SLC41A1: variants seen among roughly 807,000 people sequenced by gnomAD.
The protein encoded by SLC41A1 is solute carrier family 41 (magnesium transporter), member 1.
SLC41A1 carries 20 observed loss-of-function variants against 47.3 expected under a neutral mutation model. The observed-to-expected ratio is 0.42, with a 90% confidence interval of 0.30 to 0.61. The LOEUF is 0.61. SLC41A1 is among the 20% of genes least tolerant of loss of function. The pLI is 0.17. For synonymous variants in SLC41A1, 282 were observed against 272.7 expected, an observed-to-expected ratio of 1.03 and a Z score of -0.34; for missense variants, 504 against 674.1, an observed-to-expected ratio of 0.75 and a Z score of 2.79.
chr1:205,798,132 C>T (rs1655791163), intron 6 of SLC41A1, 81 bp from the exon 7 acceptor site: 18 of 1,587,386 alleles, frequency 1.1e-5, no homozygotes, highest in East Asian at 2.3e-5. Flanking sequence ...TGAAAATGTC[C>T]CAACAGATCA....
Position 205,791,418 on chromosome 1 carries a change from T to A in SLC41A1, c.*115A>T. The A allele has an allele frequency of 1.6e-6, 2 of 1,257,164 alleles. No individual in the cohort carries two copies. The highest frequency in any genetic ancestry group is 2.3e-6 in the Non-Finnish European group (2 of 875,642). 77.9% of individuals were successfully genotyped at this position (1,257,164 alleles called of 1,614,324 possible). A position where few individuals can be genotyped will look rare whatever the true frequency, so the allele number is the denominator to read the frequency against. The stretch of plus-strand genomic sequence containing the variant: ...CATTGAAAATAATGAGAATTTGGTA[T>A]CAAAGTGAAGTCCTAGAAAGAGGTG... On this transcript the variant is annotated 3_prime_UTR_variant, in exon 11 of 11. Transcript: ENST00000367137. This position sits in a 1 kb window ranked among gnomAD's most constrained non-coding sequence, Gnocchi z 4.0.
chr1:205,801,375 G>C lies in SLC41A1; in HGVS notation c.373-315C>G, dbSNP rs1655874671. ...AAGGGTAATGGGGACCCACACAGCT[G>C]AGCTGCCCTGGGCTGCCTGACACCC... is the stretch of plus-strand genomic sequence containing the variant. On this transcript the variant is annotated intron_variant, in intron 2 of 10. Transcript: ENST00000367137. 7 of 375,554 alleles carry C rather than the reference G, an allele frequency of 1.9e-5. No individual in the cohort carries two copies. The Admixed American group carries it at 2.6e-4, about 14-fold the overall frequency. The allele number at this position is 375,554 out of a possible 1,614,324, so 23.3% of individuals were successfully genotyped here.
rs1219676996 is a variant in SLC41A1, at chr1:205,810,099, C to A, written c.343G>T (p.Ala115Ser). The A allele has an allele frequency of 6.2e-7, 1 of 1,614,184 alleles. No homozygotes were observed. The highest frequency in any genetic ancestry group is 1.7e-5 in the Admixed American group (1 of 60,030). ...PFLLAGFGTV[A>S]AGMVLDIVQH... is the part of the protein sequence containing the mutation. ...ACGATGTCCAACACCATGCCAGCAG[C>A]CACGGTCCCAAAGCCTGCCAGGAGG... The change falls in exon 2 of 11, where the codon GCT (alanine) becomes TCT (serine). Residue 115 changes from alanine (A) to serine (S), a missense_variant. By Grantham distance (99) the Ala-to-Ser change is moderately conservative. Around this residue, in one of 2 missense-constraint regions of SLC41A1, gnomAD observed 421 missense variants for 601.6 expected, o/e 0.70. Coordinates refer to ENST00000367137, the MANE Select transcript of SLC41A1 (RefSeq NM_173854.6). The surrounding 1 kb of genome is among the most constrained non-coding windows in gnomAD (Gnocchi z 5.5).
rs774320500 is a variant in SLC41A1 at position 205,795,530 on chromosome 1, G to A, written c.1073-52C>T. ...ACAGACAGAGGTCAGAGGGAGGAGT[G>A]GGAACAAAATGATCTTCTCACTCTT... On this transcript the variant is annotated intron_variant, in intron 8 of 10. Transcript: ENST00000367137. The A allele has an allele frequency of 6.9e-6, 11 of 1,603,818 alleles. No individual in the cohort carries two copies. The Admixed American group carries it at 1.0e-4, about 15-fold the overall frequency.
rs561648192 is a variant in SLC41A1, at chr1:205,795,145, G to A, written c.1208-127C>T. The stretch of plus-strand genomic sequence containing the variant: ...CAGACAGATGAATGTCTCTACTTCT[G>A]CATCCTGTGGTCTCCAACCCCTAGG... On this transcript the variant is annotated intron_variant, in intron 9 of 10. Transcript: ENST00000367137. 7.0e-6 allele frequency: 10 copies of A among 1,437,034 alleles called. No individual in the cohort carries two copies. The South Asian group carries it at 1.1e-4, about 16-fold the overall frequency. The allele number at this position is 1,437,034 out of a possible 1,614,324, so 89.0% of individuals were successfully genotyped here. A position where few individuals can be genotyped will look rare whatever the true frequency, so the allele number is the denominator to read the frequency against.
intron 3 of SLC41A1, among the ~76,000 whole-genome samples, chr1:205,800,056 T>C (rs1174116503): frequency 6.6e-6 from 1 of 152,186 alleles, no homozygotes; most frequent in African/African-American, 2.4e-5. Flanking sequence ...GGGGGTCCCC[T>C]AGGCAGTCGC....
chr1:205,803,001 T>C (rs1217966598), intron 2 of SLC41A1, among the ~76,000 whole-genome samples: 1 of 152,066 alleles, frequency 6.6e-6, no homozygotes, highest in Non-Finnish European at 1.5e-5. Context: ...AAACCCTGTT[T>C]CTACTAAAAA....
chr1:205,791,656 G>T lies in SLC41A1; in HGVS notation c.1419C>A (p.Asp473Glu). 1 of 1,614,088 alleles carries T rather than the reference G, an allele frequency of 6.2e-7. No individual in the cohort carries two copies. Residue 473 changes from aspartate to glutamate, a missense_variant, in exon 11 of 11, where the codon GAC becomes GAA. Physicochemically the swap from Asp to Glu is conservative, Grantham distance 45. Around this residue, in one of 2 missense-constraint regions of SLC41A1, gnomAD observed 421 missense variants for 601.6 expected, o/e 0.70. Coordinates refer to ENST00000367137, the MANE Select transcript of SLC41A1 (RefSeq NM_173854.6). The surrounding 1 kb of genome is among the most constrained non-coding windows in gnomAD (Gnocchi z 4.0). ...AGTATGGGATGGAGAAGTTGTCCGG[G>T]TCCAGGCCCCGGCCCCACATCCAGT... ...MVHWMWGRGL[D>E]PDNFSIPYLT...
intron 6 of SLC41A1, 51 bp from the exon 7 acceptor site, chr1:205,798,102 A>G: frequency 6.2e-7 from 1 of 1,613,314 alleles, no homozygotes; most frequent in Non-Finnish European, 8.5e-7. Flanking sequence ...CCCTACCCTA[A>G]GTTTCTCCCT....
chr1:205,795,070 C>G (rs181756408), intron 9 of SLC41A1, 52 bp from the exon 10 acceptor site: 1 of 1,605,514 alleles, frequency 6.2e-7, no homozygotes, highest in South Asian at 1.1e-5. Flanking sequence ...AAGACCTGGC[C>G]CCAGAAGGCC....
chr1:205,805,924 G>C (rs1336834675), intron 2 of SLC41A1, among the ~76,000 whole-genome samples: 1 of 152,216 alleles, frequency 6.6e-6, no homozygotes, highest in Admixed American at 6.5e-5. Flanking sequence ...AGGGAAGAAA[G>C]TCAGAGCCAG....
chr1:205,796,454 G>A (rs966533430), intron 8 of SLC41A1: 2 of 136,044 alleles, frequency 1.5e-5, no homozygotes, highest in South Asian at 1.6e-4. Context: ...GTCATAAAGC[G>A]AGGTTTGCCT....
At chr1:205,799,607 A>ACCT (rs1655825551) in intron 4 of SLC41A1, 152 bp downstream of exon 4, 1 of 844,344 alleles carries the variant, frequency 1.2e-6, no homozygotes, top group African/African-American at 1.7e-5. Flanking sequence ...TTCCTGGGTA[A>ACCT]CCTAGTTACC....
intron 5 of SLC41A1, 69 bp downstream of exon 5, chr1:205,798,888 A>G: frequency 1.2e-6 from 2 of 1,614,094 alleles, no homozygotes; most frequent in Non-Finnish European, 1.7e-6. Context: ...AAAAAGAGAG[A>G]GTGGAAGTGC....
intron 1 of SLC41A1, among the ~76,000 whole-genome samples, chr1:205,812,242 A>G (rs1656173089): frequency 6.6e-6 from 1 of 152,164 alleles, no homozygotes; most frequent in Admixed American, 6.5e-5. Context: ...CCAAACACAC[A>G]CAATTAGTCA....
At chr1:205,803,042 A>T (rs1655927532) in intron 2 of SLC41A1, among the ~76,000 whole-genome samples, 2 of 151,970 alleles carry the variant, frequency 1.3e-5, no homozygotes, top group South Asian at 4.1e-4. Context: ...GGTGGCGCAC[A>T]CCTGTAATCC....
chr1:205,795,312 C>G lies in SLC41A1; in HGVS notation c.1207+32G>C, dbSNP rs75453372. On this transcript the variant is annotated intron_variant, in intron 9 of 10. Coordinates refer to ENST00000367137, the MANE Select transcript of SLC41A1 (RefSeq NM_173854.6). ...CTCACTGACAGTAGGCCCACTCCCC[C>G]CAGGGCTGGGAGGCTGGGAATCTGC... The G allele has an allele frequency of 6.7e-4, 1,088 of 1,614,132 alleles. 1 individual carries two copies. In the African/African-American group the frequency reaches 0.012, roughly 17 times the overall value.
rs750362720 is a variant in SLC41A1, at chr1:205,794,993, G to C, written c.1233C>G (p.Val411=). 1 of 1,614,066 alleles carries C rather than the reference G, an allele frequency of 6.2e-7. No homozygotes were observed. Among genetic ancestry groups the C allele is most frequent in the Non-Finnish European group, 8.5e-7 (1 of 1,180,006 alleles). ...GTCCTGGGACCACGAGGAGGAAGAGGACCCGGGCTGAGCGAGAATTCACAT... is the reference window on the plus strand; with the variant it reads ...GTCCTGGGACCACGAGGAGGAAGAGCACCCGGGCTGAGCGAGAATTCACAT... ...SPDVNSRSAR[V]LFLLVVPGHL... The change falls in exon 10 of 11, where the codon GTC becomes GTG. Residue 411 remains valine (V), a synonymous_variant. Coordinates refer to ENST00000367137, the MANE Select transcript of SLC41A1 (RefSeq NM_173854.6).
chr1:205,810,566 C>A lies in SLC41A1; in HGVS notation c.-125G>T. 1 of 1,465,980 alleles carries A rather than the reference C, an allele frequency of 6.8e-7. No homozygotes were observed. Among genetic ancestry groups the A allele is most frequent in the Non-Finnish European group, 9.4e-7 (1 of 1,065,466 alleles). 90.8% of individuals were successfully genotyped at this position (1,465,980 alleles called of 1,614,324 possible). On this transcript the variant is annotated 5_prime_UTR_variant, in exon 2 of 11. It introduces an in-frame stop codon into an upstream open reading frame of the 5' UTR. Transcript: ENST00000367137. The surrounding 1 kb of genome is among the most constrained non-coding windows in gnomAD (Gnocchi z 5.5). The stretch of plus-strand genomic sequence containing the variant: ...AGGCTTGGGCGCCGCAGGACCTCTT[C>A]CCACGGCTCTCCACTCCTACCAGGC...
Sources: allele counts gnomAD v4.1 joint callset (sites outside exome capture counted in the v4.1 genomes callset), GRCh38; gene constraint gnomAD v4.1.1; regional missense constraint gnomAD v4.1.1; non-coding constraint Gnocchi (gnomAD v3.1); transcripts MANE v1.5; gene names NCBI Gene and HGNC (gene_info 2026-07-23, HGNC 2026-07-21).